The following CPA6 variants were observed in gnomAD, a reference collection of about 807,000 sequenced individuals.
CPA6 encodes carboxypeptidase B.
A neutral mutation model predicts 63.3 loss-of-function variants in CPA6; 58 were observed. That is an observed-to-expected ratio of 0.92 (90% CI 0.74 to 1.14). The LOEUF is 1.14. CPA6 is among the 50% of genes most tolerant of loss of function. The probability of loss-of-function intolerance (pLI) is 0.00; values close to 1 mark genes in which losing one functional copy is unlikely to be tolerated. For missense variants in CPA6, 565 were observed against 526.6 expected (o/e 1.07, Z -0.71); for synonymous variants, 185 against 179.0 (o/e 1.03, Z -0.27).
chr8:67,616,843 C>T (rs590766), intron 2 of CPA6, among the ~76,000 whole-genome samples: 2 of 152,124 alleles, frequency 1.3e-5, no homozygotes, highest in Admixed American at 1.3e-4. Flanking sequence ...GTCCAGTTGT[C>T]TGTCATCCCA....
At chr8:67,581,728 T>G (rs1253444697) in intron 2 of CPA6, among the ~76,000 whole-genome samples, 3 of 152,180 alleles carry the variant, frequency 2.0e-5, no homozygotes, top group Non-Finnish European at 4.4e-5. Flanking sequence ...TGTAAATAGG[T>G]CAGCCACTAA....
At chr8:67,676,922 G>T (rs185425739) in intron 1 of CPA6, among the ~76,000 whole-genome samples, 7 of 152,114 alleles carry the variant, frequency 4.6e-5, no homozygotes, top group African/African-American at 1.7e-4. Flanking sequence ...CAAAACTTGG[G>T]AAAAAACGTG....
chr8:67,428,020 C>T, intron 10 of CPA6, 27 bp downstream of exon 10: 1 of 1,480,526 alleles, frequency 6.8e-7, no homozygotes, highest in Non-Finnish European at 9.4e-7. Flanking sequence ...AGAGAGGATT[C>T]TAACACAATG....
intron 1 of CPA6, among the ~76,000 whole-genome samples, chr8:67,668,374 G>A (rs1008456379): frequency 1.3e-5 from 2 of 152,142 alleles, no homozygotes; most frequent in African/African-American, 4.8e-5. Context: ...CTCATCTGTT[G>A]TCCGTTAGTT....
At chr8:67,461,048 TC>T (rs373000250) in intron 8 of CPA6, among the ~76,000 whole-genome samples, 1 of 132,366 alleles carries the variant, frequency 7.6e-6, no homozygotes, top group East Asian at 2.1e-4. Context: ...TAATTCGATT[TC>T]TTTTTTTTTT....
intron 9 of CPA6, among the ~76,000 whole-genome samples, chr8:67,428,482 C>A (rs1809945327): frequency 6.6e-6 from 1 of 151,986 alleles, no homozygotes; most frequent in African/African-American, 2.4e-5. Context: ...TTCAAGGCAA[C>A]AATTTCTTTC....
At chr8:67,569,156 A>G (rs1202929852) in intron 2 of CPA6, among the ~76,000 whole-genome samples, 4 of 152,182 alleles carry the variant, frequency 2.6e-5, no homozygotes, top group African/African-American at 9.7e-5. Flanking sequence ...ATTCAACTCA[A>G]AGAGGAGTTC....
chr8:67,570,609 A>G lies in CPA6; in HGVS notation c.193-52562T>C, dbSNP rs117008259. On this transcript the variant is annotated intron_variant, in intron 2 of 10. Coordinates refer to ENST00000297770, the MANE Select transcript of CPA6 (RefSeq NM_020361.5). ...TTTAGAGTTGTACGCAATAAAAGTT[A>G]AGCTGTTACCAGCTTGAAATAGACT... Among the ~76,000 whole-genome samples the G allele has an allele frequency of 8.1e-3, 1,236 of 152,326 alleles. 8 individuals carry two copies. The highest frequency in any genetic ancestry group is 0.011 in the Non-Finnish European group (778 of 68,016).
At chr8:67,515,200 C>G (rs1462081907) in intron 3 of CPA6, among the ~76,000 whole-genome samples, 1 of 152,192 alleles carries the variant, frequency 6.6e-6, no homozygotes, top group East Asian at 1.9e-4. Flanking sequence ...TACACGCATG[C>G]CTTTCAACCC....
chr8:67,745,410 C>G (rs1291285021), intron 1 of CPA6, among the ~76,000 whole-genome samples: 1 of 152,192 alleles, frequency 6.6e-6, no homozygotes, highest in Non-Finnish European at 1.5e-5. Context: ...GCATGCTTAC[C>G]TACGGAGGGG....
Position 67,660,496 on chromosome 8 carries a change from A to ATTTTTT in CPA6, c.117-36251_117-36246dup, listed in dbSNP as rs5892089. On this transcript the variant is annotated intron_variant, in intron 1 of 10. Coordinates refer to ENST00000297770, the MANE Select transcript of CPA6 (RefSeq NM_020361.5). ...AGGCACACGGCATCATGCCCGGCTCATTTTTTTTTTTTTTTTTTTTTTTGT... is the reference window on the plus strand; with the variant it reads ...AGGCACACGGCATCATGCCCGGCTCATTTTTTTTTTTTTTTTTTTTTTTTTTTTTGT... Among the ~76,000 whole-genome samples the ATTTTTT allele has an allele frequency of 5.6e-4, 44 of 78,920 alleles. 1 individual carries two copies. The highest frequency in any genetic ancestry group is 1.1e-3 in the African/African-American group (18 of 16,680). The allele number at this position is 78,920 out of a possible 152,430, so 51.8% of individuals were successfully genotyped here.
chr8:67,587,491 T>C (rs1198339143), intron 2 of CPA6, among the ~76,000 whole-genome samples: 1 of 151,952 alleles, frequency 6.6e-6, no homozygotes, highest in Non-Finnish European at 1.5e-5. Context: ...TGATTGACAA[T>C]TGATGTAAGG....
chr8:67,492,608 T>C (rs979441376), intron 6 of CPA6, among the ~76,000 whole-genome samples: 6 of 152,194 alleles, frequency 3.9e-5, no homozygotes, highest in Non-Finnish European at 5.9e-5. Context: ...AGAGAGTTTT[T>C]AATATTATGA....
chr8:67,443,073 T>A (rs1211700965), intron 8 of CPA6, among the ~76,000 whole-genome samples: 1 of 152,024 alleles, frequency 6.6e-6, no homozygotes, highest in African/African-American at 2.4e-5. Context: ...TATTCTTTTT[T>A]TTTTTTTGAG....
At chr8:67,649,470 A>G (rs1815788071) in intron 1 of CPA6, among the ~76,000 whole-genome samples, 1 of 152,182 alleles carries the variant, frequency 6.6e-6, no homozygotes, top group Admixed American at 6.5e-5. Flanking sequence ...TTTTCTAAAG[A>G]CTTTCCATGT....
chr8:67,520,328 C>T (rs1397739800), intron 2 of CPA6, among the ~76,000 whole-genome samples: 1 of 152,184 alleles, frequency 6.6e-6, no homozygotes, highest in Non-Finnish European at 1.5e-5. Context: ...ATGGACCCTA[C>T]AGCAAGGCTT....
intron 9 of CPA6, among the ~76,000 whole-genome samples, chr8:67,429,339 T>G (rs945942911): frequency 2.0e-5 from 3 of 152,186 alleles, no homozygotes; most frequent in African/African-American, 7.2e-5. Flanking sequence ...AAGTATTACA[T>G]GACAAATGAG....
At chr8:67,601,242 T>A (rs1392571363) in intron 2 of CPA6, among the ~76,000 whole-genome samples, 1 of 152,180 alleles carries the variant, frequency 6.6e-6, no homozygotes, top group African/African-American at 2.4e-5. Context: ...ACTCTCTAGC[T>A]CAACGGTAAT....
intron 2 of CPA6, among the ~76,000 whole-genome samples, chr8:67,567,669 T>C (rs1460521314): frequency 6.6e-6 from 1 of 152,210 alleles, no homozygotes; most frequent in East Asian, 1.9e-4. Context: ...TTCCATGGAA[T>C]TGAATAAAAA....
Sources: gnomAD v4.1 joint callset for allele counts (sites outside exome capture counted in the v4.1 genomes callset) on GRCh38, gnomAD v4.1.1 for gene constraint, MANE v1.5 for transcripts, NCBI Gene and HGNC (gene_info 2026-07-23, HGNC 2026-07-21) for gene names.